CHRNA3: variants seen among roughly 807,000 people sequenced by gnomAD.
The protein encoded by CHRNA3 is neuronal acetylcholine receptor subunit alpha-3.
CHRNA3 carries 34 observed loss-of-function variants against 41.9 expected under a neutral mutation model. The ratio of observed to expected loss-of-function variants is 0.81; its 90% confidence interval spans 0.62 to 1.08. CHRNA3 has a LOEUF of 1.08. CHRNA3 is among the 50% of genes least tolerant of loss of function. CHRNA3 has a pLI of 0.00. For synonymous variants in CHRNA3, 281 were observed against 265.2 expected, an observed-to-expected ratio of 1.06 and a Z score of -0.58; for missense variants, 542 against 638.3, an observed-to-expected ratio of 0.85 and a Z score of 1.63.
chr15:78,595,241 T>C (rs1279164646), downstream of CHRNA3: 47 of 967,336 alleles, frequency 4.9e-5, no homozygotes, highest in Middle Eastern at 5.3e-4. Context: ...CTGTTACTTA[T>C]GATTTTTATA....
At chr15:78,600,749 G>A (rs1301104312) in intron 5 of CHRNA3, among the ~76,000 whole-genome samples, 2 of 151,942 alleles carry the variant, frequency 1.3e-5, no homozygotes, top group Non-Finnish European at 2.9e-5. Flanking sequence ...GGCATCTGTA[G>A]TTCAAGCTAC....
At chr15:78,611,777 A>T (rs1272947876) in intron 4 of CHRNA3, among the ~76,000 whole-genome samples, 1 of 151,892 alleles carries the variant, frequency 6.6e-6, no homozygotes, top group East Asian at 1.9e-4. Flanking sequence ...AGGAAGTCAA[A>T]TTGTCCCTGT....
chr15:78,616,544 T>C (rs1645234249), intron 4 of CHRNA3, among the ~76,000 whole-genome samples: 1 of 152,106 alleles, frequency 6.6e-6, no homozygotes, highest in African/African-American at 2.4e-5. Context: ...TAACAGATGC[T>C]ACATTCCAGG....
rs1485878672 is a variant in CHRNA3, at chr15:78,595,958, A to C, written c.*646T>G. On this transcript the variant is annotated 3_prime_UTR_variant, in exon 6 of 6. Coordinates refer to ENST00000326828, the MANE Select transcript of CHRNA3 (RefSeq NM_000743.5). ...TGGTGCCTTGACCTTGGACCTCCCA[A>C]CCTCCAAAACTGAGAAGTTTCTGTT... is the stretch of plus-strand genomic sequence containing the variant. 5 of 781,142 alleles carry C rather than the reference A, an allele frequency of 6.4e-6. No homozygotes were observed. In the African/African-American group the frequency reaches 7.6e-5, roughly 12 times the overall value. The allele number at this position is 781,142 out of a possible 1,614,324, so 48.4% of individuals were successfully genotyped here.
intron 5 of CHRNA3, among the ~76,000 whole-genome samples, chr15:78,598,129 G>C (rs955852441): frequency 1.2e-4 from 19 of 152,136 alleles, no homozygotes; most frequent in Non-Finnish European, 1.3e-4. Flanking sequence ...TAGAATCCCA[G>C]CTCTGCTCCT....
Position 78,620,960 on chromosome 15 carries a change from C to T in CHRNA3, c.-166G>A, listed in dbSNP as rs1479063024. The T allele has an allele frequency of 4.2e-5, 40 of 954,650 alleles. No individual in the cohort carries two copies. The East Asian group carries it at 1.2e-3, about 29-fold the overall frequency. The allele number at this position is 954,650 out of a possible 1,614,324, so 59.1% of individuals were successfully genotyped here. ...CTTCGCCGCCGCTGGGTTTCCAGCGCCCTCGGACCCGCGGGAGGACAGGAA... is the reference window on the plus strand; with the variant it reads ...CTTCGCCGCCGCTGGGTTTCCAGCGTCCTCGGACCCGCGGGAGGACAGGAA... On this transcript the variant is annotated 5_prime_UTR_variant, in exon 1 of 6. Coordinates refer to ENST00000326828, the MANE Select transcript of CHRNA3 (RefSeq NM_000743.5).
At position 78,616,402 on chromosome 15, in the gene CHRNA3, CA is replaced by C. The variant is rs1442383766; in HGVS notation, c.377+621del. 2.8e-5 allele frequency among the ~76,000 whole-genome samples: 4 copies of C among 142,366 alleles called. No homozygotes were observed. The East Asian group carries it at 9.1e-4, about 33-fold the overall frequency. 93.4% of individuals were successfully genotyped at this position (142,366 alleles called of 152,430 possible). ...GCTCCTTGGTAACCATGCCAGTCAG[CA>C]GGCTGGGAACCCTGGGACTACACAG... On this transcript the variant is annotated intron_variant, in intron 4 of 5. Transcript: ENST00000326828.
At position 78,618,622 on chromosome 15, in the gene CHRNA3, T is replaced by A. The variant is rs768500644; in HGVS notation, c.262A>T (p.Lys88Ter). Residue 88 changes from lysine (K) to a stop codon, truncating the protein, a stop_gained, in exon 3 of 6, where the codon AAG becomes TAG. Coordinates refer to ENST00000326828, the MANE Select transcript of CHRNA3 (RefSeq NM_000743.5). LOFTEE classifies it high-confidence loss of function. ...NQIMETNLWLKQIWNDYKLKW... is the reference protein window; with the variant it reads ...NQIMETNLWL ...CCTAGGGTCTGGTCACTTACTTGCT[T>A]GAGCCACAGGTTGGTCTCCATGATC... 4.3e-6 allele frequency: 7 copies of A among 1,614,134 alleles called. No homozygotes were observed. Among genetic ancestry groups the A allele is most frequent in the Non-Finnish European group, 5.1e-6 (6 of 1,180,016 alleles).
At chr15:78,604,041 C>T (rs112380178) in intron 4 of CHRNA3, among the ~76,000 whole-genome samples, 1 of 152,130 alleles carries the variant, frequency 6.6e-6, no homozygotes, top group Non-Finnish European at 1.5e-5. Flanking sequence ...CAATTCCATA[C>T]AGCATCCTGG....
chr15:78,608,020 G>A (rs2053322127), intron 4 of CHRNA3, among the ~76,000 whole-genome samples: 1 of 152,216 alleles, frequency 6.6e-6, no homozygotes. Context: ...GATGCTGGGG[G>A]AGGGGCGCCT....
Position 78,602,141 on chromosome 15 carries a change from C to T in CHRNA3, c.501G>A (p.Pro167=), listed in dbSNP as rs577413653. 76 of 1,614,042 alleles carry T rather than the reference C, an allele frequency of 4.7e-5. No individual in the cohort carries two copies. The highest frequency in any genetic ancestry group is 1.8e-4 in the Admixed American group (11 of 60,016). The change falls in exon 5 of 6, where the codon CCG becomes CCA. Residue 167 remains proline (P), a synonymous_variant. Transcript: ENST00000326828. ...SSCKIDVTYF[P]FDYQNCTMKF... ...TCATGGTACAGTTTTGGTAATCAAA[C>T]GGGAAGTAGGTCACGTCGATTTTAC... is the stretch of plus-strand genomic sequence containing the variant.
At chr15:78,593,467 T>C, downstream of CHRNA3, 1 of 381,268 alleles carries the variant, frequency 2.6e-6, no homozygotes, top group Non-Finnish European at 4.6e-6. Flanking sequence ...CTTGTAAAAA[T>C]AGCAAAATAT....
chr15:78,618,583 AG>A (rs2053500757), intron 3 of CHRNA3, 33 bp downstream of exon 3: 1 of 1,613,384 alleles, frequency 6.2e-7, no homozygotes, highest in Non-Finnish European at 8.5e-7. Context: ...AGTCACCACC[AG>A]GGGGCAGCAG....
At chr15:78,598,328 T>C (rs1253377180) in intron 5 of CHRNA3, among the ~76,000 whole-genome samples, 1 of 152,114 alleles carries the variant, frequency 6.6e-6, no homozygotes, top group Non-Finnish European at 1.5e-5. Flanking sequence ...TGAAGAAAGA[T>C]GACACTTGGG....
At chr15:78,603,166 A>T (rs2053232119) in intron 4 of CHRNA3, among the ~76,000 whole-genome samples, 1 of 152,192 alleles carries the variant, frequency 6.6e-6, no homozygotes, top group Non-Finnish European at 1.5e-5. Flanking sequence ...AGCATGTACC[A>T]CAAACGCTCA....
At chr15:78,599,178 A>T (rs1348236694) in intron 5 of CHRNA3, among the ~76,000 whole-genome samples, 3 of 151,954 alleles carry the variant, frequency 2.0e-5, no homozygotes, top group Non-Finnish European at 4.4e-5. Flanking sequence ...GGGTTTCCCT[A>T]CGTGGCCCAG....
chr15:78,602,031 C>T lies in CHRNA3; in HGVS notation c.611G>A (p.Ser204Asn), dbSNP rs144488029. 1 of 1,613,598 alleles carries T rather than the reference C, an allele frequency of 6.2e-7. No individual in the cohort carries two copies. Among genetic ancestry groups the T allele is most frequent in the African/African-American group, 1.3e-5 (1 of 75,024 alleles). ...SSMNLKDYWE[S>N]GEWAIIKAPG... The stretch of plus-strand genomic sequence containing the variant: ...GGCTTTGATGATGGCCCACTCGCCG[C>T]TCTCCCAATAGTCCTTGAGGTTCAT... The change falls in exon 5 of 6, where the codon AGC (serine) becomes AAC (asparagine). Residue 204 changes from serine to asparagine, a missense_variant. Physicochemically the swap from Ser to Asn is conservative, Grantham distance 46. Coordinates refer to ENST00000326828, the MANE Select transcript of CHRNA3 (RefSeq NM_000743.5).
chr15:78,597,284 G>A (rs1349667384), intron 5 of CHRNA3, among the ~76,000 whole-genome samples: 1 of 152,074 alleles, frequency 6.6e-6, no homozygotes, highest in Non-Finnish European at 1.5e-5. Flanking sequence ...ACAAAAATTG[G>A]CCAGGAGTGG....
At chr15:78,607,340 C>T (rs2053306811) in intron 4 of CHRNA3, 1 of 152,056 alleles carries the variant, frequency 6.6e-6, no homozygotes, top group South Asian at 2.1e-4. Flanking sequence ...TGCCAGAACA[C>T]AGAGTATACA....
Sources: allele counts gnomAD v4.1 joint callset (sites outside exome capture counted in the v4.1 genomes callset), GRCh38; gene constraint gnomAD v4.1.1; transcripts MANE v1.5; gene names NCBI Gene and HGNC (gene_info 2026-07-23, HGNC 2026-07-21).